Variants in STX17 observed in about 807,000 individuals in gnomAD.
STX17 encodes the protein syntaxin 17.
A neutral mutation model predicts 35.9 loss-of-function variants in STX17; 29 were observed. That is an observed-to-expected ratio of 0.81 (90% CI 0.60 to 1.10). The LOEUF (loss-of-function observed/expected upper bound fraction) is 1.10, where lower values mean the gene tolerates loss of function less well. Among genes scored for constraint, STX17 ranks in the 50% least tolerant of loss-of-function variants. The pLI, the probability that STX17 is intolerant of heterozygous loss-of-function variation, is 0.00. For missense variants in STX17, 312 were observed against 352.3 expected, an observed-to-expected ratio of 0.89 and a Z score of 0.92; for synonymous variants, 92 against 118.3, an observed-to-expected ratio of 0.78 and a Z score of 1.44.
At chr9:99,918,267 C>T (rs1220339001) in intron 2 of STX17, among the ~76,000 whole-genome samples, 2 of 152,138 alleles carry the variant, frequency 1.3e-5, no homozygotes, top group African/African-American at 4.8e-5. Context: ...ATAGCTAAGA[C>T]TTCAGGTGTC....
intron 3 of STX17, chr9:99,937,797 CTT>C (rs1284011205): frequency 6.6e-6 from 1 of 152,008 alleles, no homozygotes; most frequent in African/African-American, 2.4e-5. Context: ...GATTGGGTCT[CTT>C]TTACTTTGGT....
At chr9:99,967,107 C>T (rs745696942) in intron 6 of STX17, among the ~76,000 whole-genome samples, 10 of 152,050 alleles carry the variant, frequency 6.6e-5, no homozygotes, top group Admixed American at 2.6e-4. Flanking sequence ...TTCACTGTTC[C>T]CTACTGCATA....
At chr9:99,920,182 C>T (rs1828860820) in intron 2 of STX17, among the ~76,000 whole-genome samples, 1 of 152,174 alleles carries the variant, frequency 6.6e-6, no homozygotes, top group Non-Finnish European at 1.5e-5. Flanking sequence ...GTTTGGTTAC[C>T]AGTGAACAAT....
At chr9:99,966,886 G>T (rs1051307384) in intron 6 of STX17, among the ~76,000 whole-genome samples, 1 of 152,210 alleles carries the variant, frequency 6.6e-6, no homozygotes, top group Non-Finnish European at 1.5e-5. Flanking sequence ...TTACAGTAGG[G>T]CTTCGCACAT....
intron 3 of STX17, among the ~76,000 whole-genome samples, chr9:99,934,263 T>G (rs1829182142): frequency 1.3e-5 from 2 of 152,110 alleles, no homozygotes; most frequent in Non-Finnish European, 2.9e-5. Flanking sequence ...GAGAACCCAT[T>G]CCAGTGTTGT....
chr9:99,953,638 A>G (rs1331620280), intron 4 of STX17, among the ~76,000 whole-genome samples: 2 of 152,082 alleles, frequency 1.3e-5, no homozygotes, highest in African/African-American at 4.8e-5. Context: ...GGCTCATCTT[A>G]TGTACCCAGA....
Position 99,966,891 on chromosome 9 carries a change from G to A in STX17, c.583-762G>A, listed in dbSNP as rs529750752. 7.2e-5 allele frequency among the ~76,000 whole-genome samples: 11 copies of A among 152,318 alleles called. No homozygotes were observed. The East Asian group carries it at 1.9e-3, about 27-fold the overall frequency. ...GTCAGGAATGTTACAGTAGGGCTTC[G>A]CACATCAGAGAGGAGATTGACCTGA... On this transcript the variant is annotated intron_variant, in intron 6 of 7. Transcript: ENST00000259400.
chr9:99,966,839 A>G (rs941522873), intron 6 of STX17, among the ~76,000 whole-genome samples: 1 of 152,238 alleles, frequency 6.6e-6, no homozygotes, highest in Admixed American at 6.5e-5. Context: ...CACTGGAGGT[A>G]TCTGAGCAGA....
chr9:99,908,869 A>C (rs981846728), intron 1 of STX17, among the ~76,000 whole-genome samples: 1 of 152,222 alleles, frequency 6.6e-6, no homozygotes, highest in African/African-American at 2.4e-5. Context: ...ACAAAGATCT[A>C]TGTTTATTTC....
At position 99,967,633 on chromosome 9, in the gene STX17, CAT is replaced by C. The variant is rs1829942695; in HGVS notation, c.583-18_583-17del. On this transcript the variant is annotated intron_variant, in intron 6 of 7. Transcript: ENST00000259400. ...CTGCTCCCCAGCAGGACCGCTCACT[CAT>C]AATTCCTTTGCATCTAGTCTCAGCA... The C allele has an allele frequency of 6.2e-7, 1 of 1,611,504 alleles. No individual in the cohort carries two copies. The highest frequency in any genetic ancestry group is 1.3e-5 in the African/African-American group (1 of 74,820).
chr9:99,964,246 A>G (rs574286894), intron 6 of STX17, among the ~76,000 whole-genome samples: 4 of 152,312 alleles, frequency 2.6e-5, no homozygotes, highest in Non-Finnish European at 4.4e-5. Context: ...ATATTCCCAA[A>G]TTGCATTCTG....
intron 4 of STX17, 112 bp downstream of exon 4, chr9:99,951,397 C>A: frequency 2.2e-6 from 2 of 906,256 alleles, no homozygotes; most frequent in Non-Finnish European, 3.3e-6. Context: ...CATTCACTAT[C>A]CCAATATGCT....
At chr9:99,932,448 A>G (rs1346599212) in intron 3 of STX17, among the ~76,000 whole-genome samples, 2 of 152,076 alleles carry the variant, frequency 1.3e-5, no homozygotes, top group African/African-American at 2.4e-5. Context: ...AGCAGAGACT[A>G]TGTCTCCACT....
intron 3 of STX17, among the ~76,000 whole-genome samples, chr9:99,939,123 TA>T (rs1372887388): frequency 6.6e-6 from 1 of 152,048 alleles, no homozygotes; most frequent in Non-Finnish European, 1.5e-5. Flanking sequence ...TTTTAATTTT[TA>T]AAAAGGGGGA....
chr9:99,960,946 A>G (rs886465777), intron 6 of STX17, among the ~76,000 whole-genome samples: 2 of 152,222 alleles, frequency 1.3e-5, no homozygotes, highest in African/African-American at 2.4e-5. Context: ...CAGTATTTGT[A>G]TGAGCCTTGA....
In STX17 at chr9:99,971,288, CTTT is replaced by C. The variant is rs5899399; in HGVS notation, c.*2628_*2630del. On this transcript the variant is annotated 3_prime_UTR_variant, in exon 8 of 8. Transcript: ENST00000259400. ...TGGATAAAGGCAGCAATCCTAAGGACTTTTTTTTTTTTTTTAACATAATCTGAG... is the reference window on the plus strand; with the variant it reads ...TGGATAAAGGCAGCAATCCTAAGGACTTTTTTTTTTTTAACATAATCTGAG... Among the ~76,000 whole-genome samples, 3,060 of 147,200 alleles carry C rather than the reference CTTT, an allele frequency of 0.021. 51 individuals are homozygous for C. The highest frequency in any genetic ancestry group is 0.021 in the African/African-American group (834 of 40,296).
rs72746342 is a variant in STX17, at chr9:99,965,603, C to T, written c.583-2050C>T. Among the ~76,000 whole-genome samples the T allele has an allele frequency of 1.6e-3, 239 of 152,130 alleles. 2 individuals carry two copies. The highest frequency in any genetic ancestry group is 1.4e-3 in the Non-Finnish European group (93 of 67,980). On this transcript the variant is annotated intron_variant, in intron 6 of 7. Coordinates refer to ENST00000259400, the MANE Select transcript of STX17 (RefSeq NM_017919.3). ...AATGATAGGGTGTCAGAAATCTAGA[C>T]AAGTTGTATATTATTAGTGCTGGAA...
At position 99,974,223 on chromosome 9, in the gene STX17, A is replaced by T. The variant is rs1343177364; in HGVS notation, c.*5550A>T. Among the ~76,000 whole-genome samples the T allele has an allele frequency of 1.3e-5, 2 of 152,226 alleles. No individual in the cohort carries two copies. The highest frequency in any genetic ancestry group is 3.8e-4 in the East Asian group (2 of 5,196). ...AATGGACCATTGTCCAGCTCCTGTGAAAAACTTAATATTTGAGAAAGACAT... is the reference window on the plus strand; with the variant it reads ...AATGGACCATTGTCCAGCTCCTGTGTAAAACTTAATATTTGAGAAAGACAT... On this transcript the variant is annotated 3_prime_UTR_variant, in exon 8 of 8. Transcript: ENST00000259400.
chr9:99,911,814 TGATCCTCC>T (rs1320327758), intron 1 of STX17, among the ~76,000 whole-genome samples: 1 of 152,206 alleles, frequency 6.6e-6, no homozygotes, highest in Non-Finnish European at 1.5e-5. Flanking sequence ...TGGCCTCAAG[TGATCCTCC>T]TGCTTCAGCC....
Sources: gnomAD v4.1 joint callset for allele counts (sites outside exome capture counted in the v4.1 genomes callset) on GRCh38, gnomAD v4.1.1 for gene constraint, MANE v1.5 for transcripts, NCBI Gene and HGNC (gene_info 2026-07-23, HGNC 2026-07-21) for gene names.